Variants in DNAJC15 observed in about 807,000 individuals in gnomAD.
DNAJC15 encodes the protein dnaJ homolog subfamily C member 15.
Under a neutral mutation model 22.4 loss-of-function variants are expected in DNAJC15, and 27 were observed. The ratio of observed to expected loss-of-function variants is 1.20; its 90% CI spans 0.89 to 1.66. The LOEUF (loss-of-function observed/expected upper bound fraction) is 1.66. Ranked by LOEUF, DNAJC15 falls within the 40% of genes most tolerant of loss-of-function variation. DNAJC15 has a pLI of 0.00. For missense variants in DNAJC15, 208 were observed against 187.1 expected (o/e 1.11, Z -0.65); for synonymous variants, 79 against 63.2 (o/e 1.25, Z -1.19).
At chr13:43,078,555 G>A (rs963790762) in intron 3 of DNAJC15, 57 bp from the exon 4 acceptor site, 4 of 1,452,096 alleles carry the variant, frequency 2.8e-6, no homozygotes, top group Non-Finnish European at 3.8e-6. Flanking sequence ...ATGAGATTGA[G>A]GTCATGCCAC....
chr13:43,054,158 ATGATCGGG>A (rs1436564316), intron 1 of DNAJC15, among the ~76,000 whole-genome samples: 1 of 152,152 alleles, frequency 6.6e-6, no homozygotes, highest in Non-Finnish European at 1.5e-5. Context: ...GCCTGTTGAG[ATGATCGGG>A]TGATTGTTGT....
intron 4 of DNAJC15, among the ~76,000 whole-genome samples, chr13:43,082,792 G>T (rs989609315): frequency 3.3e-5 from 5 of 151,458 alleles, no homozygotes; most frequent in African/African-American, 1.2e-4. Context: ...GAATAAAATG[G>T]ACCTTGCCAT....
At chr13:43,063,091 C>G (rs1438055130) in intron 1 of DNAJC15, among the ~76,000 whole-genome samples, 1 of 152,132 alleles carries the variant, frequency 6.6e-6, no homozygotes, top group African/African-American at 2.4e-5. Context: ...CTCACTGCGA[C>G]CTCCACCTTC....
intron 1 of DNAJC15, among the ~76,000 whole-genome samples, chr13:43,041,261 T>G (rs1384086898): frequency 2.0e-5 from 3 of 152,332 alleles, no homozygotes; most frequent in East Asian, 3.9e-4. Context: ...TCTTAACCAC[T>G]GCTGCCTTCA....
chr13:43,069,443 A>G (rs956864742), intron 3 of DNAJC15, among the ~76,000 whole-genome samples: 4 of 152,140 alleles, frequency 2.6e-5, no homozygotes, highest in Non-Finnish European at 5.9e-5. Flanking sequence ...CCCTTATACC[A>G]TCATGCCTGG....
intron 2 of DNAJC15, among the ~76,000 whole-genome samples, chr13:43,068,527 A>G (rs1293073799): frequency 1.3e-5 from 2 of 152,134 alleles, no homozygotes; most frequent in African/African-American, 4.8e-5. Context: ...AGTGATTATC[A>G]TAAAAAGCAA....
intron 1 of DNAJC15, among the ~76,000 whole-genome samples, chr13:43,041,672 G>T (rs1485841288): frequency 6.6e-6 from 1 of 152,146 alleles, no homozygotes; most frequent in East Asian, 1.9e-4. Flanking sequence ...GCCTAACCTT[G>T]ACCCTATGCT....
At chr13:43,029,945 T>C (rs2040397170) in intron 1 of DNAJC15, among the ~76,000 whole-genome samples, 1 of 152,008 alleles carries the variant, frequency 6.6e-6, no homozygotes, top group Admixed American at 6.6e-5. Context: ...TGGAGATAAG[T>C]AGATTAGGGA....
chr13:43,113,586 A>G lies in DNAJC15; in HGVS notation c.*6338A>G, dbSNP rs903747027. 2 of 152,242 alleles carry G rather than the reference A, an allele frequency of 1.3e-5. No homozygotes were observed. The highest frequency in any genetic ancestry group is 4.8e-5 in the African/African-American group (2 of 41,456). The allele number at this position is 152,242 out of a possible 1,614,324, so 9.4% of individuals were successfully genotyped here. On this transcript the variant is annotated 3_prime_UTR_variant, in exon 6 of 6. Transcript: ENST00000379221. ...CTAACTCCTTATGACTAATATTCAT[A>G]ACAGACTTGTGAGTTCCTTGAACAT...
chr13:43,057,703 C>T (rs1175308208), intron 1 of DNAJC15, among the ~76,000 whole-genome samples: 2 of 152,116 alleles, frequency 1.3e-5, no homozygotes, highest in African/African-American at 4.8e-5. Flanking sequence ...AATTGTTTTT[C>T]TGGTTCTTTC....
intron 4 of DNAJC15, among the ~76,000 whole-genome samples, chr13:43,080,866 T>C (rs1014896332): frequency 6.6e-6 from 1 of 152,218 alleles, no homozygotes; most frequent in Non-Finnish European, 1.5e-5. Context: ...GAAAGGTAAA[T>C]GAAACTTATC....
intron 1 of DNAJC15, among the ~76,000 whole-genome samples, chr13:43,026,183 C>G (rs993534496): frequency 3.9e-5 from 6 of 152,166 alleles, no homozygotes; most frequent in African/African-American, 1.4e-4. Context: ...TGGAATCTCC[C>G]TCAATTTACA....
intron 5 of DNAJC15, among the ~76,000 whole-genome samples, chr13:43,095,041 CT>C (rs1359686778): frequency 6.6e-6 from 1 of 152,058 alleles, no homozygotes; most frequent in Non-Finnish European, 1.5e-5. Context: ...TTTTGACTGG[CT>C]TTTTTTAGTT....
At chr13:43,102,502 G>A (rs1357223955) in intron 5 of DNAJC15, among the ~76,000 whole-genome samples, 1 of 152,112 alleles carries the variant, frequency 6.6e-6, no homozygotes, top group Non-Finnish European at 1.5e-5. Flanking sequence ...TTGGCTGGGC[G>A]TGGTGATTCA....
At chr13:43,079,430 T>A (rs1237814537) in intron 4 of DNAJC15, among the ~76,000 whole-genome samples, 1 of 152,184 alleles carries the variant, frequency 6.6e-6, no homozygotes, top group Non-Finnish European at 1.5e-5. Context: ...CAAAACATTT[T>A]ATTATTTCTT....
chr13:43,101,963 G>T (rs1482945155), intron 5 of DNAJC15, among the ~76,000 whole-genome samples: 1 of 152,160 alleles, frequency 6.6e-6, no homozygotes, highest in Non-Finnish European at 1.5e-5. Flanking sequence ...TGGGATTGCT[G>T]AATCAAATGG....
chr13:43,099,462 A>G (rs564916475), intron 5 of DNAJC15, among the ~76,000 whole-genome samples: 1 of 152,158 alleles, frequency 6.6e-6, no homozygotes, highest in Non-Finnish European at 1.5e-5. Flanking sequence ...CTTGCTTCTG[A>G]TCTTAGGGAA....
intron 5 of DNAJC15, among the ~76,000 whole-genome samples, chr13:43,100,663 T>C (rs768062486): frequency 7.9e-5 from 12 of 152,350 alleles, no homozygotes; most frequent in Middle Eastern, 3.4e-3. Context: ...TTTCAACTTA[T>C]TAAGGTTTGT....
At chr13:43,036,841 A>C (rs1300006427) in intron 1 of DNAJC15, among the ~76,000 whole-genome samples, 1 of 152,200 alleles carries the variant, frequency 6.6e-6, no homozygotes, top group East Asian at 1.9e-4. Flanking sequence ...GTGCATGCAC[A>C]CCCGGCTGGG....
Sources: gnomAD v4.1 joint callset for allele counts (sites outside exome capture counted in the v4.1 genomes callset) on GRCh38, gnomAD v4.1.1 for gene constraint, MANE v1.5 for transcripts, NCBI Gene and HGNC (gene_info 2026-07-23, HGNC 2026-07-21) for gene names.